The following FBN3 variants were observed in gnomAD, a reference collection of about 807,000 sequenced individuals.
The protein encoded by FBN3 is fibrillin-3.
FBN3 carries 234 observed loss-of-function variants against 330.1 expected under a neutral mutation model. The ratio of observed to expected loss-of-function variants is 0.71; its 90% CI spans 0.64 to 0.79. FBN3 has a LOEUF of 0.79. Among genes scored for constraint, FBN3 ranks in the 30% least tolerant of loss-of-function variants. The pLI, the probability that FBN3 is intolerant of heterozygous loss-of-function variation, is 0.00. For missense variants in FBN3, 3,606 were observed against 3,886.9 expected, an observed-to-expected ratio of 0.93 and a Z score of 1.92; for synonymous variants, 1,458 against 1,517.3, an observed-to-expected ratio of 0.96 and a Z score of 0.91.
intron 42 of FBN3, 40 bp from the exon 43 acceptor site, chr19:8,097,046 G>C (rs201170974): frequency 7.8e-4 from 1,247 of 1,600,820 alleles, no homozygotes; most frequent in Admixed American, 9.7e-4. Flanking sequence ...TGACAGAGAA[G>C]CCCATCCTGA....
In FBN3 at chr19:8,136,205, T is replaced by C; in HGVS notation, c.1450A>G (p.Arg484Gly). The change falls in exon 12 of 64, where the codon AGG becomes GGG. Residue 484 changes from arginine to glycine, a missense_variant. Transcript: ENST00000600128. Reference protein sequence around the residue: ...CYPGFQATPTRQACVDVDECI... With the variant: ...CYPGFQATPTGQACVDVDECI... ...ACAGCCGTACCCACGCATGCCTGCCTGGTGGGCGTGGCCTGGAAGCCCGGG... is the reference window on the plus strand; with the variant it reads ...ACAGCCGTACCCACGCATGCCTGCCCGGTGGGCGTGGCCTGGAAGCCCGGG... The C allele has an allele frequency of 6.2e-7, 1 of 1,613,378 alleles. No homozygotes were observed. Among genetic ancestry groups the C allele is most frequent in the Admixed American group, 1.7e-5 (1 of 59,936 alleles).
rs1568370629 is a variant in FBN3, at chr19:8,085,990, A to AGGGACAGGCAGTGGGGG, written c.6880+193_6880+209dup. 7.4e-5 allele frequency among the ~76,000 whole-genome samples: 7 copies of AGGGACAGGCAGTGGGGG among 94,966 alleles called. No individual in the cohort carries two copies. The East Asian group carries it at 7.5e-4, about 10-fold the overall frequency. The allele number at this position is 94,966 out of a possible 152,430, so 62.3% of individuals were successfully genotyped here. A position where few individuals can be genotyped will look rare whatever the true frequency, so the allele number is the denominator to read the frequency against. ...GACAGTGGGAGGGACAGGCAGTGGGAGGGACAGGCAGTGGGGGGACAGGCA... is the reference window on the plus strand; with the variant it reads ...GACAGTGGGAGGGACAGGCAGTGGGAGGGACAGGCAGTGGGGGGGGACAGGCAGTGGGGGGACAGGCA... On this transcript the variant is annotated intron_variant, in intron 55 of 63. Transcript: ENST00000600128.
Position 8,131,845 on chromosome 19 carries a change from C to T in FBN3, c.1715-16G>A, listed in dbSNP as rs375142247. On this transcript the variant is annotated splice_polypyrimidine_tract_variant and intron_variant, in intron 14 of 63. Transcript: ENST00000600128. This position sits in a 1 kb window ranked among gnomAD's most constrained non-coding sequence, Gnocchi z 4.5. Reference sequence around the variant, plus strand: ...TCGTCAATGTCTGCAGAAGCAGTGGCGGCACGGGGATGGGTTCCAGCGTGC... The same window carrying T: ...TCGTCAATGTCTGCAGAAGCAGTGGTGGCACGGGGATGGGTTCCAGCGTGC... 2.0e-5 allele frequency: 32 copies of T among 1,564,382 alleles called. No individual in the cohort carries two copies. The highest frequency in any genetic ancestry group is 2.6e-5 in the Non-Finnish European group (30 of 1,150,238).
intron 41 of FBN3, among the ~76,000 whole-genome samples, chr19:8,100,626 C>G (rs535481115): frequency 6.6e-6 from 1 of 152,330 alleles, no homozygotes; most frequent in South Asian, 2.1e-4. Flanking sequence ...GCATGAGCCA[C>G]TGTGCATGGC....
intron 59 of FBN3, among the ~76,000 whole-genome samples, chr19:8,076,569 G>A (rs1159335865): frequency 6.6e-6 from 1 of 152,154 alleles, no homozygotes; most frequent in Admixed American, 6.6e-5. Flanking sequence ...AACCCGGGAG[G>A]CGGAGGTTGC....
chr19:8,073,145 C>T lies in FBN3; in HGVS notation c.7855G>A (p.Gly2619Ser). ...TTGGCACAGCTGTAGCTACAGGGGC[C>T]ACGCCGTCCGGCGCACTCATCCACC... is the stretch of plus-strand genomic sequence containing the variant. ...QEVDECAGRRGPCSYSCANTP... is the reference protein window; with the variant it reads ...QEVDECAGRRSPCSYSCANTP... The change falls in exon 62 of 64, where the codon GGC becomes AGC. Residue 2619 changes from glycine (G) to serine (S), a missense_variant. Physicochemically the swap from Gly to Ser is moderately conservative, Grantham distance 56 (BLOSUM62 0). Transcript: ENST00000600128. 6.2e-7 allele frequency: 1 copy of T among 1,613,870 alleles called. No individual in the cohort carries two copies. Among genetic ancestry groups the T allele is most frequent in the Non-Finnish European group, 8.5e-7 (1 of 1,179,972 alleles).
Position 8,145,850 on chromosome 19 carries a change from A to C in FBN3, c.438T>G (p.Cys146Trp). The C allele has an allele frequency of 1.4e-5, 22 of 1,550,790 alleles. No homozygotes were observed. The highest frequency in any genetic ancestry group is 1.7e-5 in the Non-Finnish European group (20 of 1,146,718). The change falls in exon 5 of 64, where the codon TGT (cysteine) becomes TGG (tryptophan). Residue 146 changes from cysteine (C) to tryptophan (W), a missense_variant. Coordinates refer to ENST00000600128, the MANE Select transcript of FBN3 (RefSeq NM_032447.5). ...LCQKGYTGTV[C>W]GQPICDRGCH... ...TCCCATGGGGATACTCACGCTGCCC[A>C]CACACGGTGCCTGTGTAGCCCTTCT...
At chr19:8,097,125 G>A in intron 42 of FBN3, 119 bp from the exon 43 acceptor site, 1 of 1,491,338 alleles carries the variant, frequency 6.7e-7, no homozygotes, top group Non-Finnish European at 9.1e-7. Context: ...GCCAGAGCTG[G>A]AGTAAGGGTG....
chr19:8,102,776 G>A lies in FBN3; in HGVS notation c.5037C>T (p.Asn1679=). ...VTRKMCCCSY[N]IGQAWNRPCE... is the part of the protein sequence containing the mutation. ...AGGGTCTATTCCAGGCCTGGCCAAT[G>A]TTGTAGGAGCAGCAACACATTTTCC... Residue 1679 remains asparagine (N), a synonymous_variant, in exon 40 of 64, where the codon AAC becomes AAT. Coordinates refer to ENST00000600128, the MANE Select transcript of FBN3 (RefSeq NM_032447.5). 6.2e-7 allele frequency: 1 copy of A among 1,614,126 alleles called. No individual in the cohort carries two copies. The highest frequency in any genetic ancestry group is 1.1e-5 in the South Asian group (1 of 91,076).
At position 8,073,196 on chromosome 19, in the gene FBN3, C is replaced by T. The variant is rs1172542583; in HGVS notation, c.7804G>A (p.Asp2602Asn). 6.2e-7 allele frequency: 1 copy of T among 1,613,908 alleles called. No homozygotes were observed. Among genetic ancestry groups the T allele is most frequent in the East Asian group, 2.2e-5 (1 of 44,886 alleles). ...TCCTGGCAGCCCCCGAGGGCCTGAT[C>T]AAAGTCAAAGCCAGAGGGGCAGACG... ...RCVCPSGFDF[D>N]QALGGCQEVD... Residue 2602 changes from aspartate to asparagine, a missense_variant, in exon 62 of 64, where the codon GAT becomes AAT. Physicochemically the swap from Asp to Asn is conservative, Grantham distance 23. Coordinates refer to ENST00000600128, the MANE Select transcript of FBN3 (RefSeq NM_032447.5).
intron 63 of FBN3, among the ~76,000 whole-genome samples, chr19:8,071,553 A>G (rs2081511599): frequency 6.6e-6 from 1 of 152,176 alleles, no homozygotes; most frequent in Admixed American, 6.5e-5. Context: ...AGAACAGCCC[A>G]GAGGGATGCA....
intron 13 of FBN3, 25 bp downstream of exon 13, chr19:8,135,936 G>GCAGCCCCCCCCC: frequency 1.5e-6 from 1 of 668,778 alleles, no homozygotes; most frequent in Non-Finnish European, 2.4e-6. Context: ...GGAAGCCCCT[G>GCAGCCCCCCCCC]CCCACCCGCC....
chr19:8,092,874 A>C (rs1236294105), intron 47 of FBN3, among the ~76,000 whole-genome samples: 3 of 152,118 alleles, frequency 2.0e-5, no homozygotes, highest in African/African-American at 7.2e-5. Context: ...GCAAAGGCAT[A>C]ATAATGATAT....
At chr19:8,128,854 T>G (rs2083056569) in intron 18 of FBN3, among the ~76,000 whole-genome samples, 174 bp downstream of exon 18, 2 of 151,934 alleles carry the variant, frequency 1.3e-5, no homozygotes, top group Non-Finnish European at 2.9e-5. Context: ...CATGTGAGTA[T>G]CTGAGCGTGT....
rs754696919 is a variant in FBN3, at chr19:8,083,353, C to G, written c.7107G>C (p.Met2369Ile). The G allele has an allele frequency of 2.5e-6, 4 of 1,614,090 alleles. No individual in the cohort carries two copies. Among genetic ancestry groups the G allele is most frequent in the Non-Finnish European group, 2.5e-6 (3 of 1,180,026 alleles). Residue 2369 changes from methionine to isoleucine, a missense_variant, in exon 57 of 64, where the codon ATG becomes ATC. Physicochemically the swap from Met to Ile is conservative, Grantham distance 10 (BLOSUM62 1). Transcript: ENST00000600128. ...CCCCATGAGCACACAGGTGAGCAAG[C>G]ATACGGCATTCATCTACATCTGGGA... The part of the protein sequence containing the change: ...AEGRDVDECR[M>I]LAHLCAHGEC...
Position 8,090,323 on chromosome 19 carries a change from C to T in FBN3, c.6032-72G>A, listed in dbSNP as rs191085097. 1,037 of 1,554,660 alleles carry T rather than the reference C, an allele frequency of 6.7e-4. 1 individual carries two copies. The African/African-American group carries it at 0.012, about 18-fold the overall frequency. On this transcript the variant is annotated intron_variant, in intron 48 of 63. Transcript: ENST00000600128. ...GCCCACCTGCCCCTGTGACCTCCCG[C>T]ACCCCAGTCCTGGTGAATGGGTTGT...
intron 56 of FBN3, 129 bp from the exon 57 acceptor site, chr19:8,083,501 T>C: frequency 9.0e-7 from 1 of 1,110,634 alleles, no homozygotes; most frequent in Non-Finnish European, 1.3e-6. Flanking sequence ...CACCGGCCAC[T>C]GCACCCCAGC....
intron 13 of FBN3, 25 bp downstream of exon 13, chr19:8,135,936 G>GGGGGGCCCCCCCCCCCCCC: frequency 1.5e-6 from 1 of 668,774 alleles, no homozygotes; most frequent in Non-Finnish European, 2.4e-6. Flanking sequence ...GGAAGCCCCT[G>GGGGGGCCCCCCCCCCCCCC]CCCACCCGCC....
Position 8,102,002 on chromosome 19 carries a change from T to G in FBN3, c.5089+722A>C, listed in dbSNP as rs187580384. On this transcript the variant is annotated intron_variant, in intron 40 of 63. Coordinates refer to ENST00000600128, the MANE Select transcript of FBN3 (RefSeq NM_032447.5). ...AGGGACCCGGTGGGAGGTAACTGAG[T>G]CATGGGGGTGGGTCTTTCCCATGCT... Among the ~76,000 whole-genome samples the G allele has an allele frequency of 2.0e-3, 299 of 152,206 alleles. 1 individual carries two copies. Among genetic ancestry groups the G allele is most frequent in the African/African-American group, 7.0e-3 (291 of 41,530 alleles).
Sources: gnomAD v4.1 joint callset for allele counts (sites outside exome capture counted in the v4.1 genomes callset) on GRCh38, gnomAD v4.1.1 for gene constraint, Gnocchi (gnomAD v3.1) non-coding constraint, MANE v1.5 for transcripts, NCBI Gene and HGNC (gene_info 2026-07-23, HGNC 2026-07-21) for gene names.